The following WDFY2 variants were observed in gnomAD, a reference collection of about 807,000 sequenced individuals.
The protein encoded by WDFY2 is WD repeat and FYVE domain-containing protein 2.
In WDFY2, 36 loss-of-function variants were observed where a neutral mutation model predicts 56.4. That is an observed-to-expected ratio of 0.64 (90% confidence interval 0.49 to 0.84). The LOEUF is 0.84. WDFY2 is among the 40% of genes least tolerant of loss of function. The pLI is 0.00. For synonymous variants in WDFY2, 176 were observed against 183.7 expected (o/e 0.96, Z 0.34); for missense variants, 444 against 512.2 (o/e 0.87, Z 1.29).
At chr13:51,756,849 G>A (rs569442096) in intron 10 of WDFY2, among the ~76,000 whole-genome samples, 2 of 152,186 alleles carry the variant, frequency 1.3e-5, no homozygotes, top group East Asian at 1.9e-4. Flanking sequence ...GGTCCAGAAG[G>A]TTTCATTTTC....
chr13:51,704,289 T>G (rs1952042012), intron 4 of WDFY2, among the ~76,000 whole-genome samples: 1 of 152,240 alleles, frequency 6.6e-6, no homozygotes, highest in South Asian at 2.1e-4. Flanking sequence ...ATTAAGTTCT[T>G]TATTTTAAAA....
At chr13:51,609,606 CG>C (rs201940487) in intron 1 of WDFY2, among the ~76,000 whole-genome samples, 2,925 of 91,852 alleles carry the variant, frequency 0.032, 142 homozygotes, top group African/African-American at 0.1. Flanking sequence ...CCCCAACCCC[CG>C]CCCCCCCGCC....
intron 3 of WDFY2, among the ~76,000 whole-genome samples, chr13:51,684,097 G>A (rs1474717825): frequency 6.6e-6 from 1 of 152,110 alleles, no homozygotes; most frequent in Non-Finnish European, 1.5e-5. Context: ...TACTCATTTA[G>A]TGTAGGAAGA....
rs927088792 is a variant in WDFY2, at chr13:51,764,350, C to T, written c.*4581C>T. 3 of 152,186 alleles carry T rather than the reference C, an allele frequency of 2.0e-5. No homozygotes were observed. The highest frequency in any genetic ancestry group is 7.3e-5 in the African/African-American group (3 of 41,376). 9.4% of individuals were successfully genotyped at this position (152,186 alleles called of 1,614,324 possible). A position where few individuals can be genotyped will look rare whatever the true frequency, so the allele number is the denominator to read the frequency against. On this transcript the variant is annotated 3_prime_UTR_variant, in exon 12 of 12. Coordinates refer to ENST00000298125, the MANE Select transcript of WDFY2 (RefSeq NM_052950.4). Reference sequence around the variant, plus strand: ...AACCCAGCAGGTGTGGCAGGAGGGGCTTCACAGAGGAAAGGGACTTTGAGC... The same window carrying T: ...AACCCAGCAGGTGTGGCAGGAGGGGTTTCACAGAGGAAAGGGACTTTGAGC...
chr13:51,752,061 C>G (rs987858445), intron 8 of WDFY2, among the ~76,000 whole-genome samples: 1 of 152,174 alleles, frequency 6.6e-6, no homozygotes, highest in Non-Finnish European at 1.5e-5. Context: ...TAGACTTTCC[C>G]TTTGACAATG....
chr13:51,596,954 C>G (rs1954162661), intron 1 of WDFY2, among the ~76,000 whole-genome samples: 1 of 152,158 alleles, frequency 6.6e-6, no homozygotes, highest in Non-Finnish European at 1.5e-5. Context: ...AATTTAATTT[C>G]ACAGTTCAGT....
chr13:51,748,104 C>T (rs1953145243), intron 7 of WDFY2, among the ~76,000 whole-genome samples: 1 of 152,040 alleles, frequency 6.6e-6, no homozygotes, highest in African/African-American at 2.4e-5. Context: ...TCTATAGAGC[C>T]CACATTCCAC....
chr13:51,700,836 G>A (rs184676909), intron 3 of WDFY2, among the ~76,000 whole-genome samples: 9 of 151,978 alleles, frequency 5.9e-5, no homozygotes, highest in East Asian at 1.9e-4. Flanking sequence ...GCGTGGTGGC[G>A]CATGCCTGTA....
intron 2 of WDFY2, among the ~76,000 whole-genome samples, chr13:51,662,794 T>G (rs967078435): frequency 2.0e-5 from 3 of 152,232 alleles, no homozygotes; most frequent in African/African-American, 7.2e-5. Flanking sequence ...ATTTTCCTTA[T>G]GACTGAACAA....
intron 3 of WDFY2, among the ~76,000 whole-genome samples, chr13:51,686,054 C>T (rs1209259506): frequency 1.3e-5 from 2 of 152,252 alleles, no homozygotes; most frequent in African/African-American, 4.8e-5. Context: ...TCTCTTCCCT[C>T]CCTTTATCAA....
chr13:51,741,379 T>G (rs1169508395), intron 7 of WDFY2, among the ~76,000 whole-genome samples: 1 of 152,188 alleles, frequency 6.6e-6, no homozygotes, highest in Non-Finnish European at 1.5e-5. Flanking sequence ...CGGGGAGGGG[T>G]TGCTCTGGTA....
chr13:51,641,025 TA>T (rs1479436563), intron 1 of WDFY2, among the ~76,000 whole-genome samples: 1 of 152,174 alleles, frequency 6.6e-6, no homozygotes, highest in Non-Finnish European at 1.5e-5. Flanking sequence ...AGTTATTTTC[TA>T]AAACCACGTT....
At chr13:51,749,076 C>CA (rs1489342791) in intron 7 of WDFY2, among the ~76,000 whole-genome samples, 1 of 152,064 alleles carries the variant, frequency 6.6e-6, no homozygotes, top group Non-Finnish European at 1.5e-5. Flanking sequence ...GAAAGGCTCG[C>CA]AAAAATATTA....
chr13:51,586,285 C>G (rs979534866), intron 1 of WDFY2: 1 of 379,814 alleles, frequency 2.6e-6, no homozygotes, highest in Non-Finnish European at 4.7e-6. Flanking sequence ...TGGTAGATGT[C>G]ACTTTCCCAG....
chr13:51,667,174 A>G (rs1955718679), intron 2 of WDFY2, among the ~76,000 whole-genome samples: 1 of 152,204 alleles, frequency 6.6e-6, no homozygotes. Flanking sequence ...TAACAATATT[A>G]CTGTCATTGC....
chr13:51,617,072 C>G (rs151016043), intron 1 of WDFY2, among the ~76,000 whole-genome samples: 51 of 152,210 alleles, frequency 3.4e-4, no homozygotes, highest in African/African-American at 1.2e-3. Flanking sequence ...AAAATCTCCC[C>G]CACCTCTCAA....
At chr13:51,613,744 T>C (rs553854488) in intron 1 of WDFY2, among the ~76,000 whole-genome samples, 1 of 152,220 alleles carries the variant, frequency 6.6e-6, no homozygotes, top group Admixed American at 6.5e-5. Context: ...AAACAAGCCA[T>C]GTGGTGTGCT....
chr13:51,616,710 A>G (rs1433218330), intron 1 of WDFY2, among the ~76,000 whole-genome samples: 1 of 152,220 alleles, frequency 6.6e-6, no homozygotes, highest in African/African-American at 2.4e-5. Context: ...AGTTAGTCGC[A>G]TGGTCGTGGC....
intron 3 of WDFY2, among the ~76,000 whole-genome samples, chr13:51,702,321 GA>G (rs1013362380): frequency 6.6e-6 from 1 of 150,626 alleles, no homozygotes; most frequent in African/African-American, 2.4e-5. Flanking sequence ...AAAAAAAAAA[GA>G]AAAAAAATTA....
Sources: gnomAD v4.1 joint callset for allele counts (sites outside exome capture counted in the v4.1 genomes callset) on GRCh38, gnomAD v4.1.1 for gene constraint, MANE v1.5 for transcripts, NCBI Gene and HGNC (gene_info 2026-07-23, HGNC 2026-07-21) for gene names.